TIMP2: variants seen among roughly 807,000 people sequenced by gnomAD.
The protein encoded by TIMP2 is TIMP metallopeptidase inhibitor 2.
A neutral mutation model predicts 24.3 loss-of-function variants in TIMP2; 5 were observed. The observed-to-expected ratio is 0.21, with a 90% CI of 0.11 to 0.43. TIMP2 has a LOEUF of 0.43. Among genes scored for constraint, TIMP2 ranks in the 20% least tolerant of loss-of-function variants. The pLI is 1.00. For synonymous variants in TIMP2, 130 were observed against 123.2 expected (o/e 1.06, Z -0.37); for missense variants, 221 against 297.5 (o/e 0.74, Z 1.89).
chr17:78,864,343 TTCCCTTCC>T lies in TIMP2; in HGVS notation c.340+6547_340+6554del, dbSNP rs761625151. On this transcript the variant is annotated intron_variant, in intron 3 of 4. Coordinates refer to ENST00000262768, the MANE Select transcript of TIMP2 (RefSeq NM_003255.5). ...CTGACTCCCTTCACTCCCTCCCTCCTTCCCTTCCTCCCTTCCTCCATGCCTCCCTCCCC... is the reference window on the plus strand; with the variant it reads ...CTGACTCCCTTCACTCCCTCCCTCCTTCCCTTCCTCCATGCCTCCCTCCCC... Among the ~76,000 whole-genome samples the T allele has an allele frequency of 8.2e-5, 12 of 147,036 alleles. No homozygotes were observed. The East Asian group carries it at 1.3e-3, about 16-fold the overall frequency.
rs923036039 is a variant in TIMP2, at chr17:78,888,156, T to C, written c.131-14237A>G. 3.0e-4 allele frequency among the ~76,000 whole-genome samples: 31 copies of C among 104,694 alleles called. 1 individual carries two copies. The highest frequency in any genetic ancestry group is 3.5e-4 in the Admixed American group (4 of 11,402). The allele number at this position is 104,694 out of a possible 152,430, so 68.7% of individuals were successfully genotyped here. Reference sequence around the variant, plus strand: ...CAGCAGGTATATATCTTTTTGTTTCTTTTTTTTTTTTTTCCTTTTTTGAGA... The same window carrying C: ...CAGCAGGTATATATCTTTTTGTTTCCTTTTTTTTTTTTTCCTTTTTTGAGA... On this transcript the variant is annotated intron_variant, in intron 1 of 4. Transcript: ENST00000262768.
chr17:78,918,431 G>T (rs907970433), intron 1 of TIMP2, among the ~76,000 whole-genome samples: 1 of 152,204 alleles, frequency 6.6e-6, no homozygotes, highest in Non-Finnish European at 1.5e-5. Flanking sequence ...GGCACAGGCT[G>T]CAGGGGTCCA....
chr17:78,890,797 G>A (rs1398914786), intron 1 of TIMP2: 1 of 1,550,620 alleles, frequency 6.4e-7, no homozygotes, highest in South Asian at 1.2e-5. Context: ...AAGTGGTGCT[G>A]AGCTCAGATC....
rs748349160 is a variant in TIMP2 at position 78,891,011 on chromosome 17, G to A, written c.131-17092C>T. 7.6e-5 allele frequency: 118 copies of A among 1,550,968 alleles called. No homozygotes were observed. The highest frequency in any genetic ancestry group is 4.1e-4 in the Admixed American group (21 of 50,974). On this transcript the variant is annotated intron_variant, in intron 1 of 4. Transcript: ENST00000262768. This position sits in a 1 kb window ranked among gnomAD's most constrained non-coding sequence, Gnocchi z 4.5. ...TTTCTGCCTTTGCCTGGATGCCGTC[G>A]AGCCCACTCTGTCTGCCTGGTCTTG...
chr17:78,890,992 C>G, intron 1 of TIMP2: 13 of 1,551,218 alleles, frequency 8.4e-6, no homozygotes, highest in Non-Finnish European at 1.1e-5. Context: ...CTGCTTTCTG[C>G]CTTTGCCTGG....
intron 1 of TIMP2, among the ~76,000 whole-genome samples, chr17:78,878,288 T>TCACTGAGC (rs375575363): frequency 8.5e-5 from 13 of 152,296 alleles, no homozygotes; most frequent in Admixed American, 2.6e-4. Flanking sequence ...CTCCTTGACT[T>TCACTGAGC]CACTGAGCCA....
chr17:78,913,167 G>A (rs566202983), intron 1 of TIMP2, among the ~76,000 whole-genome samples: 18 of 152,350 alleles, frequency 1.2e-4, no homozygotes, highest in African/African-American at 4.1e-4. Context: ...CATTTTGGGA[G>A]GCCGACTGCC....
chr17:78,882,209 T>C (rs2069786230), intron 1 of TIMP2, among the ~76,000 whole-genome samples: 1 of 152,218 alleles, frequency 6.6e-6, no homozygotes, highest in Non-Finnish European at 1.5e-5. Context: ...TGACCTCACG[T>C]GATCCACCCA....
At position 78,853,022 on chromosome 17, in the gene TIMP2, T is replaced by G. The variant is rs937108210; in HGVS notation, c.*2645A>C. On this transcript the variant is annotated 3_prime_UTR_variant, in exon 5 of 5. Transcript: ENST00000262768. ...TATTGTCCACGGACCGAGCGATTGC[T>G]CAAGAATGATACAAAGCATCAGAGA... 1 of 152,608 alleles carries G rather than the reference T, an allele frequency of 6.6e-6. No individual in the cohort carries two copies. The highest frequency in any genetic ancestry group is 1.5e-5 in the Non-Finnish European group (1 of 68,042). 9.5% of individuals were successfully genotyped at this position (152,608 alleles called of 1,614,324 possible).
rs931883847 is a variant in TIMP2, at chr17:78,925,096, C to T, written c.-8G>A. 3.0e-4 allele frequency: 8 copies of T among 26,824 alleles called. No homozygotes were observed. Among genetic ancestry groups the T allele is most frequent in the African/African-American group, 1.4e-3 (6 of 4,372 alleles). 1.7% of individuals were successfully genotyped at this position (26,824 alleles called of 1,614,324 possible). A position where few individuals can be genotyped will look rare whatever the true frequency, so the allele number is the denominator to read the frequency against. On this transcript the variant is annotated 5_prime_UTR_variant, in exon 1 of 5. Coordinates refer to ENST00000262768, the MANE Select transcript of TIMP2 (RefSeq NM_003255.5). ...GCGGGCCGCGGCGCCCATGGCGGGCCGGGGGGCTGGGCGGGCGGGGGCCGC... is the reference window on the plus strand; with the variant it reads ...GCGGGCCGCGGCGCCCATGGCGGGCTGGGGGGCTGGGCGGGCGGGGGCCGC...
chr17:78,877,872 T>A (rs913072026), intron 1 of TIMP2, among the ~76,000 whole-genome samples: 1 of 151,616 alleles, frequency 6.6e-6, no homozygotes, highest in Non-Finnish European at 1.5e-5. Flanking sequence ...CCCGGCTAAT[T>A]TTTTGTATTT....
chr17:78,913,878 C>A (rs1356426706), intron 1 of TIMP2, among the ~76,000 whole-genome samples: 1 of 112,634 alleles, frequency 8.9e-6, no homozygotes, highest in Non-Finnish European at 1.7e-5. Context: ...GGCCACGGAG[C>A]GAAACTCTGT....
chr17:78,915,988 C>T (rs2070254474), intron 1 of TIMP2, among the ~76,000 whole-genome samples: 1 of 152,222 alleles, frequency 6.6e-6, no homozygotes, highest in African/African-American at 2.4e-5. Context: ...AAGCCCTTGG[C>T]ACCTCTGCCA....
rs1402313992 is a variant in TIMP2, at chr17:78,891,635, G to A, written c.131-17716C>T. ...TCCCTGAGAGCGACTGGTCAGGGCT[G>A]GAACAAAGCAAACTGCCCCCTTTCC... On this transcript the variant is annotated intron_variant, in intron 1 of 4. Coordinates refer to ENST00000262768, the MANE Select transcript of TIMP2 (RefSeq NM_003255.5). This position sits in a 1 kb window ranked among gnomAD's most constrained non-coding sequence, Gnocchi z 4.5. 8 of 1,550,818 alleles carry A rather than the reference G, an allele frequency of 5.2e-6. No individual in the cohort carries two copies. The highest frequency in any genetic ancestry group is 1.7e-4 in the Middle Eastern group (1 of 6,014).
chr17:78,857,287 C>A (rs1258883093), intron 4 of TIMP2: 15 of 544,668 alleles, frequency 2.8e-5, no homozygotes, highest in Non-Finnish European at 4.8e-5. Context: ...AGCGCCCGGC[C>A]TCCAGACATC....
At chr17:78,858,262 G>A (rs2069541044) in intron 3 of TIMP2, among the ~76,000 whole-genome samples, 1 of 151,950 alleles carries the variant, frequency 6.6e-6, no homozygotes, top group Non-Finnish European at 1.5e-5. Context: ...CTAACACGGT[G>A]AAACCCCCGT....
chr17:78,893,042 G>C (rs1263285809), intron 1 of TIMP2, among the ~76,000 whole-genome samples: 1 of 152,208 alleles, frequency 6.6e-6, no homozygotes, highest in African/African-American at 2.4e-5. Flanking sequence ...GGGCAGGGAG[G>C]AGCCTGCCAA....
At chr17:78,898,330 G>A (rs1371444898) in intron 1 of TIMP2, 1 of 152,202 alleles carries the variant, frequency 6.6e-6, no homozygotes, top group African/African-American at 2.4e-5. Context: ...GGGATTCCGG[G>A]CCGAGCAGGC....
intron 4 of TIMP2, chr17:78,857,013 A>G (rs2145743860): frequency 6.6e-6 from 1 of 152,136 alleles, no homozygotes; most frequent in Admixed American, 6.5e-5. Flanking sequence ...TTTGGGACAG[A>G]GTCTCACTCT....
Sources: allele counts gnomAD v4.1 joint callset (sites outside exome capture counted in the v4.1 genomes callset), GRCh38; gene constraint gnomAD v4.1.1; non-coding constraint Gnocchi (gnomAD v3.1); transcripts MANE v1.5; gene names NCBI Gene and HGNC (gene_info 2026-07-23, HGNC 2026-07-21).